Variants in ATP2C2 observed in about 807,000 individuals in gnomAD.
ATP2C2 encodes the protein ATPase secretory pathway Ca2+ transporting 2.
ATP2C2 carries 171 observed loss-of-function variants against 110.8 expected under a neutral mutation model. The ratio of observed to expected loss-of-function variants is 1.54; its 90% CI spans 1.36 to 1.75. ATP2C2 has a LOEUF of 1.75. ATP2C2 is among the 40% of genes most tolerant of loss of function. The pLI is 0.00. For synonymous variants in ATP2C2, 804 were observed against 508.4 expected (o/e 1.58, Z -7.82); for missense variants, 1,963 against 1,235.0 (o/e 1.59, Z -8.84).
chr16:84,440,999 T>C (rs367674290), intron 14 of ATP2C2, 41 bp downstream of exon 14: 118 of 1,491,680 alleles, frequency 7.9e-5, no homozygotes, highest in Non-Finnish European at 9.5e-5. Context: ...GGCATTTACA[T>C]TGAGGCTTCT....
At chr16:84,406,643 C>T (rs1905794390) in intron 3 of ATP2C2, 9 of 985,390 alleles carry the variant, frequency 9.1e-6, no homozygotes, top group Non-Finnish European at 1.1e-5. Context: ...GCAAAATAGG[C>T]TTCTGGGTAT....
At chr16:84,458,739 C>A (rs1023277128) in intron 21 of ATP2C2, among the ~76,000 whole-genome samples, 1 of 152,198 alleles carries the variant, frequency 6.6e-6, no homozygotes, top group South Asian at 2.1e-4. Flanking sequence ...ATTTTTAGGC[C>A]GAACTGGTTT....
chr16:84,422,511 G>A lies in ATP2C2; in HGVS notation c.746G>A (p.Gly249Glu). ...LTTLSNIVFM[G>E]TLVQYGRGQG... ...ACCCTCAGCAACATCGTCTTCATGG[G>A]GACCCTGGTGCAGTATGGGAGGGGC... is the stretch of plus-strand genomic sequence containing the variant. The change falls in exon 8 of 27, where the codon GGG becomes GAG. Residue 249 changes from glycine to glutamate, a missense_variant. Coordinates refer to ENST00000262429, the MANE Select transcript of ATP2C2 (RefSeq NM_014861.4). The A allele has an allele frequency of 6.2e-7, 1 of 1,614,096 alleles. No homozygotes were observed. The highest frequency in any genetic ancestry group is 8.5e-7 in the Non-Finnish European group (1 of 1,180,010).
intron 17 of ATP2C2, among the ~76,000 whole-genome samples, chr16:84,450,722 A>C (rs1910180843): frequency 6.6e-6 from 1 of 152,144 alleles, no homozygotes. Context: ...ACCCAGGGGC[A>C]GGAGCTGGGC....
intron 16 of ATP2C2, among the ~76,000 whole-genome samples, 175 bp downstream of exon 16, chr16:84,446,605 C>G (rs1424653273): frequency 6.6e-6 from 1 of 152,184 alleles, no homozygotes; most frequent in African/African-American, 2.4e-5. Flanking sequence ...GGGTCTGCTT[C>G]TGGCTTTTTG....
chr16:84,461,487 G>C (rs1269511806), intron 24 of ATP2C2: 1 of 600,184 alleles, frequency 1.7e-6, no homozygotes, highest in South Asian at 2.0e-5. Flanking sequence ...CCACCCATAG[G>C]TGCCCTGCCC....
chr16:84,387,796 C>T (rs916379757), intron 1 of ATP2C2, among the ~76,000 whole-genome samples: 7 of 152,108 alleles, frequency 4.6e-5, no homozygotes, highest in African/African-American at 1.7e-4. Flanking sequence ...ATATTAGAAT[C>T]GCCTGGGGGA....
intron 2 of ATP2C2, among the ~76,000 whole-genome samples, chr16:84,403,087 C>A (rs1006214071): frequency 6.6e-6 from 1 of 152,090 alleles, no homozygotes; most frequent in African/African-American, 2.4e-5. Context: ...CTCCTGGTAG[C>A]CACTAATGGC....
chr16:84,386,819 A>C (rs1162686787), intron 1 of ATP2C2, among the ~76,000 whole-genome samples: 1 of 152,160 alleles, frequency 6.6e-6, no homozygotes, highest in Non-Finnish European at 1.5e-5. Context: ...GCTGAGGGTC[A>C]CACAGCGTAG....
At chr16:84,373,214 A>G (rs778782713) in intron 1 of ATP2C2, among the ~76,000 whole-genome samples, 3 of 152,058 alleles carry the variant, frequency 2.0e-5, no homozygotes, top group South Asian at 2.1e-4. Context: ...TTAAAACTCA[A>G]TCAGGCTGGG....
chr16:84,405,089 G>A, intron 2 of ATP2C2, 39 bp from the exon 3 acceptor site: 1 of 1,557,320 alleles, frequency 6.4e-7, no homozygotes. Context: ...ATTCCTTGCT[G>A]CGCCCATGAG....
intron 11 of ATP2C2, among the ~76,000 whole-genome samples, chr16:84,429,807 G>C (rs138260725): frequency 2.7e-3 from 417 of 152,260 alleles, no homozygotes; most frequent in African/African-American, 9.6e-3. Context: ...AGCACCACAG[G>C]CTGCAGGGCT....
chr16:84,373,291 C>T (rs756975107), intron 1 of ATP2C2, among the ~76,000 whole-genome samples: 9 of 152,054 alleles, frequency 5.9e-5, no homozygotes, highest in Admixed American at 2.0e-4. Flanking sequence ...CCTGAGGTTA[C>T]GAGTTCGAGA....
intron 7 of ATP2C2, among the ~76,000 whole-genome samples, chr16:84,419,314 C>T (rs1215669610): frequency 3.3e-5 from 5 of 151,772 alleles, no homozygotes; most frequent in African/African-American, 9.7e-5. Context: ...TTCTAGAAGC[C>T]GCCTGCATTC....
chr16:84,372,194 T>C (rs1909992742), intron 1 of ATP2C2, among the ~76,000 whole-genome samples: 1 of 152,124 alleles, frequency 6.6e-6, no homozygotes, highest in Non-Finnish European at 1.5e-5. Context: ...AGTCAGGACA[T>C]GATAGTCACT....
Position 84,430,131 on chromosome 16 carries a change from C to T in ATP2C2, c.986+4330C>T, listed in dbSNP as rs8060264. On this transcript the variant is annotated intron_variant, in intron 11 of 26. Coordinates refer to ENST00000262429, the MANE Select transcript of ATP2C2 (RefSeq NM_014861.4). ...AAGGCCCTGTTTGCACATAAGGTCA[C>T]ATTCACGTGTACCAGGAGTTAGGAT... Among the ~76,000 whole-genome samples, 1,245 of 152,308 alleles carry T rather than the reference C, an allele frequency of 8.2e-3. 21 individuals carry two copies. Among genetic ancestry groups the T allele is most frequent in the African/African-American group, 0.028 (1,144 of 41,548 alleles).
chr16:84,448,401 C>G, intron 16 of ATP2C2, 132 bp from the exon 17 acceptor site: 1 of 1,154,828 alleles, frequency 8.7e-7, no homozygotes, highest in Non-Finnish European at 1.2e-6. Flanking sequence ...TGAACAGCAC[C>G]AGCCTATGAT....
intron 15 of ATP2C2, among the ~76,000 whole-genome samples, chr16:84,442,936 C>T (rs1190945249): frequency 6.6e-6 from 1 of 152,092 alleles, no homozygotes; most frequent in South Asian, 2.1e-4. Flanking sequence ...CTGTGCTCAC[C>T]GAGGCACCAC....
intron 15 of ATP2C2, among the ~76,000 whole-genome samples, chr16:84,443,116 T>C (rs12448900): frequency 0.19 from 28,503 of 152,000 alleles, 3,266 homozygotes; most frequent in East Asian, 0.53. Context: ...GGGGGCCTGC[T>C]GCATTCTGTG....
Sources: gnomAD v4.1 joint callset for allele counts (sites outside exome capture counted in the v4.1 genomes callset) on GRCh38, gnomAD v4.1.1 for gene constraint, MANE v1.5 for transcripts, NCBI Gene and HGNC (gene_info 2026-07-23, HGNC 2026-07-21) for gene names.